OTOG: variants seen among roughly 807,000 people sequenced by gnomAD.
OTOG encodes the protein otogelin.
Under a neutral mutation model 313.8 loss-of-function variants are expected in OTOG, and 296 were observed. The observed-to-expected ratio is 0.94, with a 90% confidence interval of 0.86 to 1.04. The LOEUF is 1.04. OTOG is among the 50% of genes least tolerant of loss of function. OTOG has a pLI of 0.00. For synonymous variants in OTOG, 1,533 were observed against 1,554.9 expected (o/e 0.99, Z 0.33); for missense variants, 3,948 against 3,840.1 (o/e 1.03, Z -0.74).
chr11:17,630,390 G>A (rs973690122), intron 40 of OTOG, among the ~76,000 whole-genome samples: 3 of 152,180 alleles, frequency 2.0e-5, no homozygotes, highest in African/African-American at 7.2e-5. Context: ...GGATACCTTT[G>A]GGACACCCCT....
Position 17,547,477 on chromosome 11 carries a change from T to G in OTOG, c.94+11T>G. ...GGGTGCAGCGCCTCGGTGAGAGGGTTGTGGACTCAGGGAGGTCGGGGGCTC... is the reference window on the plus strand; with the variant it reads ...GGGTGCAGCGCCTCGGTGAGAGGGTGGTGGACTCAGGGAGGTCGGGGGCTC... On this transcript the variant is annotated intron_variant, in intron 1 of 55. Transcript: ENST00000399397. The G allele has an allele frequency of 1.5e-6, 2 of 1,355,200 alleles. No individual in the cohort carries two copies. Among genetic ancestry groups the G allele is most frequent in the East Asian group, 6.0e-5 (2 of 33,376 alleles). The allele number at this position is 1,355,200 out of a possible 1,614,324, so 83.9% of individuals were successfully genotyped here. A position where few individuals can be genotyped will look rare whatever the true frequency, so the allele number is the denominator to read the frequency against.
In OTOG at chr11:17,613,584, G is replaced by A. The variant is rs1165962241; in HGVS notation, c.6439-28G>A. 3 of 1,543,620 alleles carry A rather than the reference G, an allele frequency of 1.9e-6. No individual in the cohort carries two copies. The Admixed American group carries it at 5.9e-5, about 30-fold the overall frequency. On this transcript the variant is annotated intron_variant, in intron 38 of 55. Transcript: ENST00000399397. ...AGGGGGACAGAGGACAGGGCTCCAAGTTGATGAGGGCTGGGTTCTCTCTGC... is the reference window on the plus strand; with the variant it reads ...AGGGGGACAGAGGACAGGGCTCCAAATTGATGAGGGCTGGGTTCTCTCTGC...
At chr11:17,621,532 T>C (rs571429710) in intron 39 of OTOG, among the ~76,000 whole-genome samples, 8 of 152,284 alleles carry the variant, frequency 5.3e-5, no homozygotes, top group African/African-American at 1.9e-4. Flanking sequence ...TTGATCAATA[T>C]TCAGCTGAAA....
intron 23 of OTOG, among the ~76,000 whole-genome samples, chr11:17,586,165 C>A (rs1012010040): frequency 7.2e-5 from 11 of 152,174 alleles, no homozygotes; most frequent in Non-Finnish European, 1.3e-4. Flanking sequence ...CATTAGTATA[C>A]AACTAGTGCC....
chr11:17,561,073 T>C lies in OTOG; in HGVS notation c.1452-18T>C. On this transcript the variant is annotated intron_variant, in intron 13 of 55. Coordinates refer to ENST00000399397, the MANE Select transcript of OTOG (RefSeq NM_001292063.2). Reference sequence around the variant, plus strand: ...CCTGGAGGGGTGACCTCTTGCCTCCTTGGTCTCTGTGTTTTAGCACATGCA... The same window carrying C: ...CCTGGAGGGGTGACCTCTTGCCTCCCTGGTCTCTGTGTTTTAGCACATGCA... 6.4e-7 allele frequency: 1 copy of C among 1,550,568 alleles called. No homozygotes were observed. The highest frequency in any genetic ancestry group is 2.4e-5 in the East Asian group (1 of 40,920).
At position 17,635,687 on chromosome 11, in the gene OTOG, C is replaced by T. The variant is rs1368821396; in HGVS notation, c.7771C>T (p.Leu2591Phe). 6.4e-7 allele frequency: 1 copy of T among 1,550,562 alleles called. No individual in the cohort carries two copies. Among genetic ancestry groups the T allele is most frequent in the Non-Finnish European group, 8.7e-7 (1 of 1,146,936 alleles). The change falls in exon 47 of 56, where the codon CTC becomes TTC. Residue 2591 changes from leucine (L) to phenylalanine (F), a missense_variant. Leu to Phe is a conservative substitution (Grantham distance 22, BLOSUM62 0). Transcript: ENST00000399397. ...ALTVHRNTTE[L>F]CCPLYQCVCE... ...CACTGTGCACAGGAATACCACGGAA[C>T]TCTGCTGCCCTCTGTACCAGTGTGG...
intron 23 of OTOG, among the ~76,000 whole-genome samples, chr11:17,586,255 A>G (rs1329927405): frequency 6.6e-6 from 1 of 152,200 alleles, no homozygotes; most frequent in East Asian, 1.9e-4. Flanking sequence ...GATGACAGAG[A>G]CTCAGGCTGG....
At chr11:17,623,389 C>A (rs1458702307) in intron 39 of OTOG, among the ~76,000 whole-genome samples, 1 of 152,184 alleles carries the variant, frequency 6.6e-6, no homozygotes, top group African/African-American at 2.4e-5. Flanking sequence ...TCAGTGAGAA[C>A]ATGCAGTATT....
At chr11:17,569,053 C>T (rs1399461207) in intron 15 of OTOG, 103 bp from the exon 16 acceptor site, 7 of 1,329,478 alleles carry the variant, frequency 5.3e-6, no homozygotes, top group Non-Finnish European at 7.2e-6. Flanking sequence ...TCTGAGGAAA[C>T]TGTCTCTCAA....
intron 40 of OTOG, among the ~76,000 whole-genome samples, chr11:17,630,374 T>A (rs1177060300): frequency 6.6e-6 from 1 of 152,090 alleles, no homozygotes; most frequent in African/African-American, 2.4e-5. Flanking sequence ...AGCCAACCCC[T>A]CCCTAGGATA....
chr11:17,570,198 G>A lies in OTOG; in HGVS notation c.1778-15G>A. 2 of 1,549,360 alleles carry A rather than the reference G, an allele frequency of 1.3e-6. No homozygotes were observed. Among genetic ancestry groups the A allele is most frequent in the Non-Finnish European group, 1.7e-6 (2 of 1,146,088 alleles). Reference sequence around the variant, plus strand: ...GGCTGCCCTCCCACTCTCTCCTTTTGGATTCTGTGCCCAGATGCCTTTGAG... The same window carrying A: ...GGCTGCCCTCCCACTCTCTCCTTTTAGATTCTGTGCCCAGATGCCTTTGAG... On this transcript the variant is annotated splice_polypyrimidine_tract_variant and intron_variant, in intron 16 of 55. Coordinates refer to ENST00000399397, the MANE Select transcript of OTOG (RefSeq NM_001292063.2).
rs566170864 is a variant in OTOG, at chr11:17,632,301, C to T, written c.7072+75C>T. On this transcript the variant is annotated intron_variant, in intron 42 of 55. Transcript: ENST00000399397. ...CCCTGTTAAAGTGGGAAAAGGCTCC[C>T]GGCCCCAAGTTCATGTATGCTTTCC... is the stretch of plus-strand genomic sequence containing the variant. The T allele has an allele frequency of 4.6e-5, 66 of 1,448,546 alleles. No individual in the cohort carries two copies. The Middle Eastern group carries it at 6.1e-4, about 13-fold the overall frequency. The allele number at this position is 1,448,546 out of a possible 1,614,324, so 89.7% of individuals were successfully genotyped here. A position where few individuals can be genotyped will look rare whatever the true frequency, so the allele number is the denominator to read the frequency against.
At chr11:17,558,890 T>C (rs1338461047) in intron 10 of OTOG, among the ~76,000 whole-genome samples, 162 bp from the exon 11 acceptor site, 2 of 152,176 alleles carry the variant, frequency 1.3e-5, no homozygotes, top group African/African-American at 4.8e-5. Context: ...GATTTATAGC[T>C]CAAGTCTAGG....
chr11:17,551,970 G>A (rs1011416111), intron 3 of OTOG, 30 bp from the exon 4 acceptor site: 37 of 1,546,566 alleles, frequency 2.4e-5, no homozygotes, highest in African/African-American at 1.6e-4. Flanking sequence ...GTCAGCCCTC[G>A]ATGTGTTCTC....
chr11:17,624,926 T>A (rs953805051), intron 39 of OTOG, among the ~76,000 whole-genome samples: 9 of 152,336 alleles, frequency 5.9e-5, no homozygotes, highest in South Asian at 2.1e-4. Flanking sequence ...CAATTGTGAA[T>A]AAGATTGCCT....
intron 23 of OTOG, among the ~76,000 whole-genome samples, chr11:17,579,194 C>T (rs936452097): frequency 4.6e-5 from 7 of 152,174 alleles, no homozygotes; most frequent in Admixed American, 3.9e-4. Flanking sequence ...TGGCAACAGC[C>T]GGCTGTGCCC....
intron 7 of OTOG, among the ~76,000 whole-genome samples, chr11:17,556,386 G>C (rs1325844490): frequency 1.3e-5 from 2 of 152,164 alleles, no homozygotes; most frequent in Non-Finnish European, 2.9e-5. Context: ...GCCCCAGACT[G>C]TGGTCCTTTG....
chr11:17,586,627 G>T (rs925097166), intron 24 of OTOG, 46 bp downstream of exon 24: 2 of 995,726 alleles, frequency 2.0e-6, no homozygotes, highest in Admixed American at 7.9e-5. Flanking sequence ...CTGGGAGGGG[G>T]CATGGATATG....
intron 49 of OTOG, among the ~76,000 whole-genome samples, chr11:17,640,175 T>C (rs1413988142): frequency 1.3e-5 from 2 of 152,106 alleles, no homozygotes; most frequent in African/African-American, 4.8e-5. Context: ...TCATGTGTAT[T>C]ATTTATTCTC....
Sources: allele counts gnomAD v4.1 joint callset (sites outside exome capture counted in the v4.1 genomes callset), GRCh38; gene constraint gnomAD v4.1.1; transcripts MANE v1.5; gene names NCBI Gene and HGNC (gene_info 2026-07-23, HGNC 2026-07-21).